The following HNRNPD variants were observed in gnomAD, a reference collection of about 807,000 sequenced individuals.
HNRNPD encodes heterogeneous nuclear ribonucleoprotein D.
Under a neutral mutation model 47.9 loss-of-function variants are expected in HNRNPD, and 3 were observed. The ratio of observed to expected loss-of-function variants is 0.06; its 90% confidence interval spans 0.03 to 0.16. The LOEUF is 0.16. Ranked by LOEUF, HNRNPD falls within the 10% of genes least tolerant of loss-of-function variation. HNRNPD has a pLI of 1.00. For missense variants in HNRNPD, 287 were observed against 454.2 expected, an observed-to-expected ratio of 0.63 and a Z score of 3.35; for synonymous variants, 171 against 165.1, an observed-to-expected ratio of 1.04 and a Z score of -0.28.
rs1287728229 is a variant in HNRNPD at position 82,373,712 on chromosome 4, A to G, written c.-34T>C. The G allele has an allele frequency of 1.3e-6, 2 of 1,528,206 alleles. No individual in the cohort carries two copies. Among genetic ancestry groups the G allele is most frequent in the Non-Finnish European group, 1.7e-6 (2 of 1,144,364 alleles). The allele number at this position is 1,528,206 out of a possible 1,614,324, so 94.7% of individuals were successfully genotyped here. ...TGTCTCCGCCGCTGCCGCCGAGACT[A>G]CACCCGCCGCTGCCGCGAACCGAAA... On this transcript the variant is annotated 5_prime_UTR_variant, in exon 1 of 9. Transcript: ENST00000313899.
At chr4:82,371,633 GT>G (rs1327589866) in intron 1 of HNRNPD, 49 bp from the exon 2 acceptor site, 11 of 1,486,924 alleles carry the variant, frequency 7.4e-6, no homozygotes, top group Non-Finnish European at 3.7e-6. Context: ...TCTAGTTTTA[GT>G]TTTTGACACT....
chr4:82,373,039 G>A, intron 1 of HNRNPD: 2 of 435,284 alleles, frequency 4.6e-6, no homozygotes, highest in South Asian at 3.2e-5. Context: ...AAACAGAGAA[G>A]CTGTTTGTGT....
chr4:82,359,073 C>T (rs1054614665), intron 3 of HNRNPD, among the ~76,000 whole-genome samples: 2 of 152,086 alleles, frequency 1.3e-5, no homozygotes, highest in African/African-American at 4.8e-5. Context: ...TATATACAAA[C>T]ATGACTGCTA....
chr4:82,363,020 TTTTA>T (rs768952851), intron 2 of HNRNPD, among the ~76,000 whole-genome samples: 1 of 143,800 alleles, frequency 7.0e-6, no homozygotes, highest in Non-Finnish European at 1.5e-5. Context: ...GGCATAATGA[TTTTA>T]TATATATATG....
Position 82,358,640 on chromosome 4 carries a change from C to A in HNRNPD, c.621+19G>T. ...ACACTAATTTTGACATAAACTGGGT[C>A]AAAACATTTATAACATACCTCACCA... On this transcript the variant is annotated intron_variant, in intron 4 of 8. Coordinates refer to ENST00000313899, the MANE Select transcript of HNRNPD (RefSeq NM_031370.3). 1 of 1,592,566 alleles carries A rather than the reference C, an allele frequency of 6.3e-7. No individual in the cohort carries two copies. The highest frequency in any genetic ancestry group is 1.1e-5 in the South Asian group (1 of 87,530).
Position 82,370,983 on chromosome 4 carries a change from C to T in HNRNPD, c.290+545G>A, listed in dbSNP as rs62313377. The stretch of plus-strand genomic sequence containing the variant: ...CCCACCTTTTAATGGTATATATATA[C>T]ACACACACACACACACACACACTTC... On this transcript the variant is annotated intron_variant, in intron 2 of 8. Transcript: ENST00000313899. 1.5e-4 allele frequency among the ~76,000 whole-genome samples: 16 copies of T among 107,250 alleles called. 1 individual carries two copies. The East Asian group carries it at 9.5e-3, about 64-fold the overall frequency. The allele number at this position is 107,250 out of a possible 152,430, so 70.4% of individuals were successfully genotyped here.
rs1255902006 is a variant in HNRNPD at position 82,355,459 on chromosome 4, A to G, written c.1001-58T>C. ...TAGTGGTTACATACTAATAATCAGA[A>G]CAGTACCTAATTTTAAACAATCTCA... On this transcript the variant is annotated intron_variant, in intron 7 of 8. Coordinates refer to ENST00000313899, the MANE Select transcript of HNRNPD (RefSeq NM_031370.3). 3 of 1,203,408 alleles carry G rather than the reference A, an allele frequency of 2.5e-6. No homozygotes were observed. The East Asian group carries it at 7.0e-5, about 28-fold the overall frequency. 74.5% of individuals were successfully genotyped at this position (1,203,408 alleles called of 1,614,324 possible).
chr4:82,353,099 A>G lies in HNRNPD; in HGVS notation c.*1086T>C, dbSNP rs1358567883. On this transcript the variant is annotated 3_prime_UTR_variant, in exon 9 of 9. Transcript: ENST00000313899. ...ATGGGTATCAATTCCCTGAATGCTA[A>G]TAACAGAACTCAAGAAGCTTCCAAC... The G allele has an allele frequency of 2.0e-5, 3 of 152,324 alleles. No homozygotes were observed. Among genetic ancestry groups the G allele is most frequent in the East Asian group, 3.9e-4 (2 of 5,188 alleles). The allele number at this position is 152,324 out of a possible 1,614,324, so 9.4% of individuals were successfully genotyped here. A position where few individuals can be genotyped will look rare whatever the true frequency, so the allele number is the denominator to read the frequency against.
intron 2 of HNRNPD, among the ~76,000 whole-genome samples, chr4:82,359,914 A>G (rs1053976336): frequency 6.6e-6 from 1 of 152,182 alleles, no homozygotes; most frequent in African/African-American, 2.4e-5. Flanking sequence ...AATACTGTAC[A>G]TAAAAGTTTT....
In HNRNPD at chr4:82,353,935, G is replaced by C. The variant is rs937477220; in HGVS notation, c.*250C>G. The C allele has an allele frequency of 1.3e-5, 2 of 152,600 alleles. No individual in the cohort carries two copies. Among genetic ancestry groups the C allele is most frequent in the Admixed American group, 1.3e-4 (2 of 15,274 alleles). 9.5% of individuals were successfully genotyped at this position (152,600 alleles called of 1,614,324 possible). ...ACTTGCTCTACAATACTGGGGGAAA[G>C]GGCATAAAACACAAATTGATTCTGA... On this transcript the variant is annotated 3_prime_UTR_variant, in exon 9 of 9. Transcript: ENST00000313899.
At position 82,373,852 on chromosome 4, in the gene HNRNPD, C is replaced by G. The variant is rs1215284471; in HGVS notation, c.-174G>C. 7.3e-7 allele frequency: 1 copy of G among 1,374,862 alleles called. No individual in the cohort carries two copies. The highest frequency in any genetic ancestry group is 9.6e-7 in the Non-Finnish European group (1 of 1,046,794). The allele number at this position is 1,374,862 out of a possible 1,614,324, so 85.2% of individuals were successfully genotyped here. A position where few individuals can be genotyped will look rare whatever the true frequency, so the allele number is the denominator to read the frequency against. On this transcript the variant is annotated 5_prime_UTR_variant, in exon 1 of 9. Coordinates refer to ENST00000313899, the MANE Select transcript of HNRNPD (RefSeq NM_031370.3). ...GGCTCCTGCGCCTCTCCCTGGCCTG[C>G]CCCCTTCGCCTCCCACTCTCGCGCG...
chr4:82,355,468 A>G, intron 7 of HNRNPD, 67 bp from the exon 8 acceptor site: 4 of 1,097,530 alleles, frequency 3.6e-6, no homozygotes, highest in Non-Finnish European at 5.5e-6. Context: ...AACAGTACCT[A>G]ATTTTAAACA....
intron 2 of HNRNPD, among the ~76,000 whole-genome samples, chr4:82,363,787 C>T (rs2109996116): frequency 6.6e-6 from 1 of 152,316 alleles, no homozygotes; most frequent in Non-Finnish European, 1.5e-5. Context: ...AGTCTCCTTG[C>T]TTTCACATTG....
In HNRNPD at chr4:82,357,317, C is replaced by G; in HGVS notation, c.749G>C (p.Ser250Thr). 1 of 1,608,032 alleles carries G rather than the reference C, an allele frequency of 6.2e-7. No homozygotes were observed. Among genetic ancestry groups the G allele is most frequent in the Non-Finnish European group, 8.5e-7 (1 of 1,178,190 alleles). ...MEKKYHNVGL[S>T]KCEIKVAMSK... is the part of the protein sequence containing the mutation. Reference sequence around the variant, plus strand: ...GTAAATGGATGCTTAACTTACTTTACTAAGACCAACATTGTGGTATTTCTT... The same window carrying G: ...GTAAATGGATGCTTAACTTACTTTAGTAAGACCAACATTGTGGTATTTCTT... The change falls in exon 5 of 9, where the codon AGT (serine) becomes ACT (threonine). Residue 250 changes from serine (S) to threonine (T), a missense_variant. Transcript: ENST00000313899.
chr4:82,373,288 C>G, intron 1 of HNRNPD, 158 bp downstream of exon 1: 2 of 989,188 alleles, frequency 2.0e-6, no homozygotes, highest in Non-Finnish European at 3.0e-6. Context: ...AAATGAAGGT[C>G]CGGGGAACCC....
intron 5 of HNRNPD, 59 bp from the exon 6 acceptor site, chr4:82,356,954 G>C: frequency 1.4e-6 from 2 of 1,406,776 alleles, no homozygotes; most frequent in Non-Finnish European, 2.0e-6. Flanking sequence ...TGCTAAATAA[G>C]TTTCTAATAA....
intron 8 of HNRNPD, chr4:82,354,722 A>G (rs1723641822): frequency 6.5e-6 from 1 of 152,698 alleles, no homozygotes; most frequent in South Asian, 2.1e-4. Context: ...AGAAGAATAA[A>G]TAGTTAAAAT....
chr4:82,373,218 G>A, intron 1 of HNRNPD: 1 of 721,816 alleles, frequency 1.4e-6, no homozygotes, highest in Non-Finnish European at 2.4e-6. Context: ...CATGGTGACG[G>A]CTAAAGGTGG....
chr4:82,357,458 A>C lies in HNRNPD; in HGVS notation c.622-14T>G. ...TATGGATTCCACCTGGTATTAAAAA[A>C]CAAATTTTAATATGCTAACATGCAT... On this transcript the variant is annotated splice_polypyrimidine_tract_variant and intron_variant, in intron 4 of 8. Transcript: ENST00000313899. 6.3e-7 allele frequency: 1 copy of C among 1,587,154 alleles called. No individual in the cohort carries two copies. Among genetic ancestry groups the C allele is most frequent in the Non-Finnish European group, 8.5e-7 (1 of 1,172,126 alleles).
Sources: gnomAD v4.1 joint callset for allele counts (sites outside exome capture counted in the v4.1 genomes callset) on GRCh38, gnomAD v4.1.1 for gene constraint, MANE v1.5 for transcripts, NCBI Gene and HGNC (gene_info 2026-07-23, HGNC 2026-07-21) for gene names.